Variants in SENP7 observed in about 807,000 individuals in gnomAD.
The protein encoded by SENP7 is SUMO specific peptidase 7, also known as sentrin-specific protease 7.
SENP7 carries 64 observed loss-of-function variants against 141.2 expected under a neutral mutation model. That is an observed-to-expected ratio of 0.45 (90% confidence interval 0.37 to 0.56). The LOEUF (loss-of-function observed/expected upper bound fraction) is 0.56. Ranked by LOEUF, SENP7 falls within the 20% of genes least tolerant of loss-of-function variation. SENP7 has a pLI of 0.00. For missense variants in SENP7, 1,025 were observed against 1,212.2 expected, an observed-to-expected ratio of 0.85 and a Z score of 2.29; for synonymous variants, 382 against 426.4, an observed-to-expected ratio of 0.90 and a Z score of 1.28.
intron 6 of SENP7, among the ~76,000 whole-genome samples, chr3:101,377,276 T>C (rs541012296): frequency 2.0e-5 from 3 of 152,024 alleles, no homozygotes; most frequent in Admixed American, 1.3e-4. Context: ...GACAGAAAAG[T>C]GAAGTCACAG....
At chr3:101,502,823 G>A (rs925864453) in intron 1 of SENP7, among the ~76,000 whole-genome samples, 2 of 151,764 alleles carry the variant, frequency 1.3e-5, no homozygotes, top group Non-Finnish European at 2.9e-5. Flanking sequence ...GGCTGAGATG[G>A]AAGGATCACT....
At chr3:101,330,070 C>G (rs1229699304) in intron 20 of SENP7, among the ~76,000 whole-genome samples, 1 of 151,916 alleles carries the variant, frequency 6.6e-6, no homozygotes, top group African/African-American at 2.4e-5. Context: ...TGAATCTGAT[C>G]CTTAGAAATT....
Position 101,343,831 on chromosome 3 carries a change from G to C in SENP7, c.1961C>G (p.Pro654Arg). 1 of 1,613,800 alleles carries C rather than the reference G, an allele frequency of 6.2e-7. No individual in the cohort carries two copies. The highest frequency in any genetic ancestry group is 8.5e-7 in the Non-Finnish European group (1 of 1,179,864). The change falls in exon 14 of 24, where the codon CCG becomes CGG. Residue 654 changes from proline (P) to arginine (R), a missense_variant. By Grantham distance (103) the Pro-to-Arg change is moderately radical (BLOSUM62 -2). Around this residue, in one of 4 missense-constraint regions of SENP7, gnomAD observed 228 missense variants for 228.5 expected, o/e 1.00. Transcript: ENST00000394095. ...IISGELELSYPLSWVQAFPLF... is the reference protein window; with the variant it reads ...IISGELELSYRLSWVQAFPLF... ...AGGAAATGCCTGAACCCAAGACAAC[G>C]GGTAAGAAAGCTCTAATTCTCCACT...
intron 4 of SENP7, among the ~76,000 whole-genome samples, chr3:101,420,949 T>C (rs986197319): frequency 7.9e-5 from 12 of 152,144 alleles, no homozygotes; most frequent in African/African-American, 2.7e-4. Context: ...TGAACTTGAT[T>C]CTATTAGGTA....
At chr3:101,461,718 G>C (rs932928399) in intron 3 of SENP7, among the ~76,000 whole-genome samples, 2 of 152,034 alleles carry the variant, frequency 1.3e-5, no homozygotes, top group African/African-American at 4.8e-5. Flanking sequence ...GATGCTTGTA[G>C]TTCATAGAAG....
rs1419608088 is a variant in SENP7 at position 101,348,228 on chromosome 3, G to A, written c.1658-177C>T. 2.0e-5 allele frequency among the ~76,000 whole-genome samples: 3 copies of A among 151,982 alleles called. No homozygotes were observed. In the East Asian group the frequency reaches 5.8e-4, roughly 29 times the overall value. Reference sequence around the variant, plus strand: ...AACCTTAGCTAAAATGCCCCCAGCAGTATTATTAGAGTAAAAATAAATCAC... The same window carrying A: ...AACCTTAGCTAAAATGCCCCCAGCAATATTATTAGAGTAAAAATAAATCAC... On this transcript the variant is annotated intron_variant, in intron 12 of 23. Transcript: ENST00000394095.
At chr3:101,380,231 A>G (rs2060457539) in intron 6 of SENP7, among the ~76,000 whole-genome samples, 1 of 152,158 alleles carries the variant, frequency 6.6e-6, no homozygotes, top group Non-Finnish European at 1.5e-5. Flanking sequence ...AAAAATGAAA[A>G]AAGTTCTGAA....
chr3:101,328,206 A>G (rs761270119), intron 22 of SENP7, among the ~76,000 whole-genome samples: 2 of 152,164 alleles, frequency 1.3e-5, no homozygotes, highest in African/African-American at 2.4e-5. Context: ...GGTACTTTTG[A>G]TAATCAATGC....
chr3:101,416,750 A>G (rs935273555), intron 5 of SENP7, among the ~76,000 whole-genome samples: 10 of 152,326 alleles, frequency 6.6e-5, no homozygotes, highest in Middle Eastern at 3.4e-3. Flanking sequence ...CAAGAATTCT[A>G]CTTTTATTTT....
intron 4 of SENP7, among the ~76,000 whole-genome samples, chr3:101,453,779 A>G (rs1219366240): frequency 6.6e-6 from 1 of 152,122 alleles, no homozygotes; most frequent in African/African-American, 2.4e-5. Flanking sequence ...TGATGAGTTA[A>G]TGGGTGCAGC....
intron 6 of SENP7, among the ~76,000 whole-genome samples, chr3:101,382,696 C>T (rs887592565): frequency 6.6e-6 from 1 of 152,134 alleles, no homozygotes; most frequent in South Asian, 2.1e-4. Context: ...GGAAAGTAAT[C>T]TACAGACTTG....
intron 4 of SENP7, among the ~76,000 whole-genome samples, chr3:101,420,003 C>T (rs2061739936): frequency 6.6e-6 from 1 of 152,178 alleles, no homozygotes; most frequent in South Asian, 2.1e-4. Flanking sequence ...TTCTTGCCAG[C>T]ACTCTTAACT....
intron 2 of SENP7, among the ~76,000 whole-genome samples, chr3:101,497,865 C>T (rs62280740): frequency 0.011 from 1,707 of 152,276 alleles, 19 homozygotes; most frequent in Non-Finnish European, 0.016. Context: ...TGCAGTGGTG[C>T]GATCACAGCT....
At chr3:101,451,265 A>G (rs973317523) in intron 4 of SENP7, among the ~76,000 whole-genome samples, 60 of 152,222 alleles carry the variant, frequency 3.9e-4, no homozygotes, top group Non-Finnish European at 7.6e-4. Flanking sequence ...AGATGGATTC[A>G]CAGCCGAATT....
intron 13 of SENP7, among the ~76,000 whole-genome samples, 194 bp from the exon 14 acceptor site, chr3:101,344,148 G>C (rs2059395235): frequency 6.6e-6 from 1 of 152,128 alleles, no homozygotes; most frequent in Non-Finnish European, 1.5e-5. Context: ...ACAATTGGTG[G>C]ACTCCTGTTC....
In SENP7 at chr3:101,366,755, ATCT is replaced by A. The variant is rs746272681; in HGVS notation, c.990_992del (p.Glu330del). On this transcript the variant is annotated inframe_deletion, in exon 9 of 24. Transcript: ENST00000394095. Reference sequence around the variant, plus strand: ...CAAACTCAGTGGATATTGTTGAGTCATCTTCTTGTTTTTTCTAAACATAAACAC... The same window carrying A: ...CAAACTCAGTGGATATTGTTGAGTCATCTTGTTTTTTCTAAACATAAACAC... 2 of 1,581,718 alleles carry A rather than the reference ATCT, an allele frequency of 1.3e-6. No individual in the cohort carries two copies. The highest frequency in any genetic ancestry group is 1.7e-6 in the Non-Finnish European group (2 of 1,163,036).
At chr3:101,336,097 CAGAA>C (rs1447012803) in intron 17 of SENP7, among the ~76,000 whole-genome samples, 1 of 152,184 alleles carries the variant, frequency 6.6e-6, no homozygotes, top group Non-Finnish European at 1.5e-5. Flanking sequence ...CTATGAACAA[CAGAA>C]AGAGTTGAAC....
chr3:101,366,816 T>TG, intron 8 of SENP7, 47 bp from the exon 9 acceptor site: 1 of 1,273,664 alleles, frequency 7.9e-7, no homozygotes, highest in Non-Finnish European at 1.1e-6. Flanking sequence ...AAATTTGGCT[T>TG]GCTTAAACCA....
chr3:101,473,326 G>A (rs930536386), intron 3 of SENP7, among the ~76,000 whole-genome samples: 26 of 152,180 alleles, frequency 1.7e-4, no homozygotes, highest in Middle Eastern at 3.4e-3. Context: ...TTCCACAATG[G>A]GTGAACTAAT....
Sources: allele counts gnomAD v4.1 joint callset (sites outside exome capture counted in the v4.1 genomes callset), GRCh38; gene constraint gnomAD v4.1.1; regional missense constraint gnomAD v4.1.1; transcripts MANE v1.5; gene names NCBI Gene and HGNC (gene_info 2026-07-23, HGNC 2026-07-21).